PDE4D: variants seen among roughly 807,000 people sequenced by gnomAD.
The protein encoded by PDE4D is phosphodiesterase 4D.
PDE4D carries 24 observed loss-of-function variants against 87.4 expected under a neutral mutation model. The ratio of observed to expected loss-of-function variants is 0.27; its 90% CI spans 0.20 to 0.39. PDE4D has a LOEUF of 0.39. Among genes scored for constraint, PDE4D ranks in the 10% least tolerant of loss-of-function variants. PDE4D has a pLI of 1.00. For synonymous variants in PDE4D, 384 were observed against 383.2 expected (o/e 1.00, Z -0.02); for missense variants, 714 against 1,041.0 (o/e 0.69, Z 4.32).
intron 2 of PDE4D, among the ~76,000 whole-genome samples, chr5:60,172,679 T>C (rs1476989093): frequency 1.1e-4 from 17 of 152,148 alleles, no homozygotes; most frequent in Admixed American, 1.1e-3. Flanking sequence ...CTAGAACTCA[T>C]TCATTCTAAA....
At chr5:59,682,615 T>C (rs1052799755) in intron 1 of PDE4D, among the ~76,000 whole-genome samples, 2 of 152,220 alleles carry the variant, frequency 1.3e-5, no homozygotes, top group Admixed American at 6.5e-5. Flanking sequence ...ATGGGATTAA[T>C]GCCCTTATAA....
At chr5:59,642,152 C>G (rs298032) in intron 1 of PDE4D, among the ~76,000 whole-genome samples, 117,439 of 151,918 alleles carry the variant, frequency 0.77, 45,517 homozygotes, top group South Asian at 0.91. Context: ...AAATAATCCA[C>G]TGTGTTTTTC....
At chr5:60,506,292 C>T (rs1218516303) in intron 1 of PDE4D, among the ~76,000 whole-genome samples, 1 of 152,222 alleles carries the variant, frequency 6.6e-6, no homozygotes, top group Non-Finnish European at 1.5e-5. Context: ...CGTGAATACA[C>T]TCATTCTCAT....
At chr5:60,086,864 G>A (rs1205138342) in intron 2 of PDE4D, among the ~76,000 whole-genome samples, 1 of 152,220 alleles carries the variant, frequency 6.6e-6, no homozygotes, top group Non-Finnish European at 1.5e-5. Flanking sequence ...GCAACTCTGT[G>A]CTTCAATCAG....
chr5:60,264,310 C>G (rs1008875029), intron 1 of PDE4D, among the ~76,000 whole-genome samples: 1 of 152,154 alleles, frequency 6.6e-6, no homozygotes, highest in Admixed American at 6.5e-5. Flanking sequence ...TTTTTCCTGA[C>G]ACGACTTGAA....
intron 5 of PDE4D, among the ~76,000 whole-genome samples, chr5:59,122,416 G>T (rs1774700135): frequency 6.6e-6 from 1 of 152,090 alleles, no homozygotes; most frequent in Non-Finnish European, 1.5e-5. Flanking sequence ...GGTGGGAGGG[G>T]AGGGGATGAA....
chr5:60,250,877 G>T (rs947777888), intron 1 of PDE4D, among the ~76,000 whole-genome samples: 1 of 151,916 alleles, frequency 6.6e-6, no homozygotes, highest in Admixed American at 6.6e-5. Flanking sequence ...CATCAGAGAC[G>T]ATGGCAGCTC....
chr5:59,683,839 T>C (rs1264097418), intron 1 of PDE4D, among the ~76,000 whole-genome samples: 2 of 152,192 alleles, frequency 1.3e-5, no homozygotes, highest in Non-Finnish European at 2.9e-5. Context: ...TAGTATGCCA[T>C]AACAGAATTA....
intron 1 of PDE4D, among the ~76,000 whole-genome samples, chr5:60,269,351 T>G (rs2149719879): frequency 6.6e-6 from 1 of 152,332 alleles, no homozygotes; most frequent in African/African-American, 2.4e-5. Context: ...TATTTTGTAT[T>G]TATATGGTAT....
At chr5:59,962,379 G>A (rs1275895654) in intron 3 of PDE4D, among the ~76,000 whole-genome samples, 2 of 151,964 alleles carry the variant, frequency 1.3e-5, no homozygotes, top group African/African-American at 2.4e-5. Context: ...CATTGACAGA[G>A]AGGATCTAAA....
intron 1 of PDE4D, among the ~76,000 whole-genome samples, chr5:59,825,197 T>C (rs1770175632): frequency 6.6e-6 from 1 of 152,220 alleles, no homozygotes; most frequent in East Asian, 1.9e-4. Context: ...GGAGATAAAA[T>C]GTTAAGCATA....
chr5:59,284,023 A>C (rs533025844), intron 1 of PDE4D, among the ~76,000 whole-genome samples: 2 of 152,168 alleles, frequency 1.3e-5, no homozygotes, highest in Non-Finnish European at 2.9e-5. Flanking sequence ...CTCTGGGATT[A>C]AATGAGAAAA....
intron 2 of PDE4D, among the ~76,000 whole-genome samples, chr5:60,149,478 T>C (rs1309097642): frequency 6.6e-6 from 1 of 152,162 alleles, no homozygotes; most frequent in Non-Finnish European, 1.5e-5. Context: ...CATTGGGGAT[T>C]AAGTTTCTAA....
chr5:59,577,066 A>G (rs940001895), intron 1 of PDE4D, among the ~76,000 whole-genome samples: 5 of 152,100 alleles, frequency 3.3e-5, no homozygotes, highest in African/African-American at 1.2e-4. Flanking sequence ...CCCAATGACA[A>G]GGTTCTTAAG....
chr5:59,357,586 T>C (rs1010348258), intron 1 of PDE4D, among the ~76,000 whole-genome samples: 6 of 152,210 alleles, frequency 3.9e-5, no homozygotes, highest in African/African-American at 1.4e-4. Context: ...TTACAATGCA[T>C]GACTCTGACA....
intron 1 of PDE4D, among the ~76,000 whole-genome samples, chr5:59,838,253 G>A (rs184828008): frequency 5.4e-4 from 82 of 152,102 alleles, no homozygotes; most frequent in South Asian, 2.1e-3. Context: ...GTGGCACTAA[G>A]CAGAACCCTA....
chr5:59,789,424 G>C (rs1211688870), intron 1 of PDE4D, among the ~76,000 whole-genome samples: 1 of 152,190 alleles, frequency 6.6e-6, no homozygotes, highest in Non-Finnish European at 1.5e-5. Flanking sequence ...GGCAAGTCAA[G>C]TTCTGTGCCA....
chr5:59,791,747 G>A lies in PDE4D; in HGVS notation c.455+101421C>T, dbSNP rs1487004094. Among the ~76,000 whole-genome samples the A allele has an allele frequency of 2.0e-5, 3 of 152,074 alleles. No individual in the cohort carries two copies. The East Asian group carries it at 5.8e-4, about 29-fold the overall frequency. On this transcript the variant is annotated intron_variant, in intron 1 of 14. Transcript: ENST00000340635. ...CTTCTAAAGTTACAGGTCTAGGAGG[G>A]AGCAGACAGCCCCGGGCTTAGAATC...
At chr5:60,328,843 T>G (rs1757042254) in intron 1 of PDE4D, among the ~76,000 whole-genome samples, 1 of 150,776 alleles carries the variant, frequency 6.6e-6, no homozygotes, top group Non-Finnish European at 1.5e-5. Flanking sequence ...TCTTTTCCCT[T>G]TTTTCCCTGA....
Sources: allele counts gnomAD v4.1 joint callset (sites outside exome capture counted in the v4.1 genomes callset), GRCh38; gene constraint gnomAD v4.1.1; transcripts MANE v1.5; gene names NCBI Gene and HGNC (gene_info 2026-07-23, HGNC 2026-07-21).